ALPK1: variants seen among roughly 807,000 people sequenced by gnomAD.
ALPK1 encodes the protein alpha kinase 1, also known as alpha-protein kinase 1.
Under a neutral mutation model 120.6 loss-of-function variants are expected in ALPK1, and 110 were observed. The ratio of observed to expected loss-of-function variants is 0.91; its 90% CI spans 0.78 to 1.07. ALPK1 has a LOEUF of 1.07. Ranked by LOEUF, ALPK1 falls within the 50% of genes least tolerant of loss-of-function variation. The pLI, the probability that ALPK1 is intolerant of heterozygous loss-of-function variation, is 0.00. For synonymous variants in ALPK1, 582 were observed against 560.3 expected, an observed-to-expected ratio of 1.04 and a Z score of -0.55; for missense variants, 1,498 against 1,483.9, an observed-to-expected ratio of 1.01 and a Z score of -0.16.
chr4:112,299,831 A>G (rs956401698), intron 1 of ALPK1, among the ~76,000 whole-genome samples: 7 of 152,216 alleles, frequency 4.6e-5, no homozygotes, highest in South Asian at 4.1e-4. Flanking sequence ...GATAGCCAAT[A>G]CTTTTTCAAA....
At chr4:112,407,461 A>G (rs1444921305) in intron 4 of ALPK1, among the ~76,000 whole-genome samples, 2 of 152,202 alleles carry the variant, frequency 1.3e-5, no homozygotes, top group Non-Finnish European at 2.9e-5. Context: ...CCTGGGTGAC[A>G]GAGTGAGACC....
Position 112,426,553 on chromosome 4 carries a change from C to A in ALPK1, c.699+10C>A. On this transcript the variant is annotated intron_variant, in intron 8 of 15. Transcript: ENST00000650871. ...TCAGCCGGATAAAAAGGTGGTTTGT[C>A]TAGTGCTTCTTTTTCTCCTTTCCTG... 1.3e-6 allele frequency: 2 copies of A among 1,532,040 alleles called. No homozygotes were observed. The highest frequency in any genetic ancestry group is 2.6e-5 in the South Asian group (2 of 77,248). 94.9% of individuals were successfully genotyped at this position (1,532,040 alleles called of 1,614,324 possible). A position where few individuals can be genotyped will look rare whatever the true frequency, so the allele number is the denominator to read the frequency against.
intron 3 of ALPK1, 82 bp from the exon 4 acceptor site, chr4:112,382,316 T>G (rs1269577831): frequency 6.1e-5 from 56 of 912,464 alleles, no homozygotes; most frequent in Non-Finnish European, 8.4e-5. Flanking sequence ...TTTTTGCCAC[T>G]GAGGTGCTTC....
rs113757815 is a variant in ALPK1, at chr4:112,358,280, T to C, written c.-100-19398T>C. ...CCAGCTGCCCTCCTGGGTGCGTCCCTACGTCAGGGTGTACAACTTCGGCCA... is the reference window on the plus strand; with the variant it reads ...CCAGCTGCCCTCCTGGGTGCGTCCCCACGTCAGGGTGTACAACTTCGGCCA... On this transcript the variant is annotated intron_variant, in intron 2 of 15. Transcript: ENST00000650871. The C allele has an allele frequency of 1.7e-3, 1,028 of 592,280 alleles. 11 individuals carry two copies. The highest frequency in any genetic ancestry group is 0.017 in the African/African-American group (927 of 54,602). 36.7% of individuals were successfully genotyped at this position (592,280 alleles called of 1,614,324 possible).
intron 2 of ALPK1, among the ~76,000 whole-genome samples, chr4:112,343,879 C>A (rs923779685): frequency 2.6e-5 from 4 of 152,202 alleles, no homozygotes; most frequent in South Asian, 2.1e-4. Context: ...GTTCATATAT[C>A]CACAAGGCCT....
chr4:112,356,299 G>A, intron 2 of ALPK1: 2 of 1,027,764 alleles, frequency 1.9e-6, no homozygotes, highest in Non-Finnish European at 3.1e-6. Flanking sequence ...GCACCACCCT[G>A]GCCTGGCGAG....
At chr4:112,406,952 A>G (rs992243852) in intron 4 of ALPK1, among the ~76,000 whole-genome samples, 9 of 151,998 alleles carry the variant, frequency 5.9e-5, no homozygotes. Flanking sequence ...AAAAATGGGA[A>G]GTTTTTCTGG....
intron 2 of ALPK1, among the ~76,000 whole-genome samples, chr4:112,354,753 T>C (rs1489431618): frequency 6.6e-6 from 1 of 152,040 alleles, no homozygotes; most frequent in African/African-American, 2.4e-5. Context: ...CAGGCATGAG[T>C]CACCATGCCT....
At chr4:112,414,470 T>C in intron 5 of ALPK1, 1 of 343,654 alleles carries the variant, frequency 2.9e-6, no homozygotes, top group Non-Finnish European at 6.0e-6. Flanking sequence ...TAGCCAGGCG[T>C]GGTGGCAGCC....
At chr4:112,327,546 C>T (rs552622181) in intron 2 of ALPK1, among the ~76,000 whole-genome samples, 4 of 152,276 alleles carry the variant, frequency 2.6e-5, no homozygotes, top group African/African-American at 7.2e-5. Flanking sequence ...GGGATCCCCC[C>T]GACCTCAGCC....
intron 2 of ALPK1, among the ~76,000 whole-genome samples, chr4:112,322,694 A>G (rs1053615457): frequency 5.9e-5 from 9 of 152,182 alleles, no homozygotes; most frequent in Non-Finnish European, 8.8e-5. Flanking sequence ...ATAGGAAACA[A>G]TCTACCACAG....
chr4:112,328,966 G>A (rs1428041399), intron 2 of ALPK1, among the ~76,000 whole-genome samples: 2 of 152,188 alleles, frequency 1.3e-5, no homozygotes, highest in African/African-American at 2.4e-5. Flanking sequence ...GGCTTCCACA[G>A]TGCCTCTGCT....
At chr4:112,408,073 C>T (rs1455724121) in intron 4 of ALPK1, among the ~76,000 whole-genome samples, 1 of 151,644 alleles carries the variant, frequency 6.6e-6, no homozygotes, top group African/African-American at 2.4e-5. Context: ...CACCACTGCA[C>T]TCCAGCTTGG....
In ALPK1 at chr4:112,431,484, A is replaced by G; in HGVS notation, c.1937A>G (p.His646Arg). The change falls in exon 11 of 16, where the codon CAT becomes CGT. Residue 646 changes from histidine (H) to arginine (R), a missense_variant. Physicochemically the swap from His to Arg is conservative, Grantham distance 29 (BLOSUM62 0). Transcript: ENST00000650871. ...ATGCATTCATTGCATTCACAGCTTC[A>G]TGATCTCTCTCTTCAGGAACCCAAC... ...RAMHSLHSQL[H>R]DLSLQEPNND... 3.7e-6 allele frequency: 6 copies of G among 1,614,200 alleles called. No homozygotes were observed. The highest frequency in any genetic ancestry group is 1.6e-4 in the Middle Eastern group (1 of 6,062).
At chr4:112,402,613 CGT>C (rs897739735) in intron 4 of ALPK1, among the ~76,000 whole-genome samples, 1 of 152,160 alleles carries the variant, frequency 6.6e-6, no homozygotes, top group Non-Finnish European at 1.5e-5. Flanking sequence ...AAAACAACTG[CGT>C]GTGTGTCTAT....
chr4:112,389,179 G>A lies in ALPK1; in HGVS notation c.276+6627G>A, dbSNP rs192124936. Among the ~76,000 whole-genome samples the A allele has an allele frequency of 2.4e-3, 361 of 152,028 alleles. 3 individuals carry two copies. The highest frequency in any genetic ancestry group is 8.3e-3 in the African/African-American group (343 of 41,456). On this transcript the variant is annotated intron_variant, in intron 4 of 15. Transcript: ENST00000650871. Reference sequence around the variant, plus strand: ...CCTGCCTCAGCCTCCTGAGTAGCTGGGACTACAGGCACGCACCACCACTCC... The same window carrying A: ...CCTGCCTCAGCCTCCTGAGTAGCTGAGACTACAGGCACGCACCACCACTCC...
At chr4:112,359,299 T>C (rs1730800149) in intron 2 of ALPK1, 1 of 463,604 alleles carries the variant, frequency 2.2e-6, no homozygotes, top group Non-Finnish European at 4.0e-6. Context: ...TGCAGGGCCC[T>C]GGAGTCTACA....
intron 2 of ALPK1, chr4:112,359,763 C>T (rs1483076866): frequency 7.3e-6 from 3 of 409,886 alleles, no homozygotes; most frequent in African/African-American, 4.2e-5. Flanking sequence ...GCCCAACCTG[C>T]ACACTGCCTC....
intron 2 of ALPK1, among the ~76,000 whole-genome samples, chr4:112,333,209 T>G (rs1467373351): frequency 6.6e-6 from 1 of 152,252 alleles, no homozygotes; most frequent in African/African-American, 2.4e-5. Flanking sequence ...CCCTGCATAA[T>G]TATGCCCACC....
Sources: gnomAD v4.1 joint callset for allele counts (sites outside exome capture counted in the v4.1 genomes callset) on GRCh38, gnomAD v4.1.1 for gene constraint, MANE v1.5 for transcripts, NCBI Gene and HGNC (gene_info 2026-07-23, HGNC 2026-07-21) for gene names.